Variants in ENPEP observed in about 807,000 individuals in gnomAD.
ENPEP encodes glutamyl aminopeptidase, also known as AP-A.
In ENPEP, 103 loss-of-function variants were observed where a neutral mutation model predicts 114.5. The observed-to-expected ratio is 0.90, with a 90% confidence interval of 0.77 to 1.06. The LOEUF is 1.06. Among genes scored for constraint, ENPEP ranks in the 50% least tolerant of loss-of-function variants. The pLI is 0.00. For synonymous variants in ENPEP, 420 were observed against 422.0 expected (o/e 1.00, Z 0.06); for missense variants, 1,196 against 1,161.3 (o/e 1.03, Z -0.43).
chr4:110,490,890 T>G (rs979724355), intron 2 of ENPEP, 143 bp from the exon 3 acceptor site: 2 of 852,814 alleles, frequency 2.3e-6, no homozygotes, highest in African/African-American at 3.5e-5. Flanking sequence ...CTTTTCAACA[T>G]CACCACAAAC....
Position 110,559,649 on chromosome 4 carries a change from A to T in ENPEP, c.2645A>T (p.Tyr882Phe). ...TTTTACTCTAAATTTCTCTCCAGATATACACTCAATAACAGAAACCTTGGC... is the reference window on the plus strand; with the variant it reads ...TTTTACTCTAAATTTCTCTCCAGATTTACACTCAATAACAGAAACCTTGGC... ...QLNWDYLVNR[Y>F]TLNNRNLGRI... Residue 882 changes from tyrosine to phenylalanine, a missense_variant and splice_region_variant, in exon 19 of 20, where the codon TAT becomes TTT. Tyr to Phe is a conservative substitution (Grantham distance 22, BLOSUM62 3). Transcript: ENST00000265162. 6.2e-7 allele frequency: 1 copy of T among 1,610,684 alleles called. No homozygotes were observed. The highest frequency in any genetic ancestry group is 8.5e-7 in the Non-Finnish European group (1 of 1,176,960).
intron 1 of ENPEP, among the ~76,000 whole-genome samples, chr4:110,478,951 A>G (rs986599644): frequency 6.6e-6 from 1 of 152,350 alleles, no homozygotes; most frequent in African/African-American, 2.4e-5. Flanking sequence ...TTGCTGGGTC[A>G]AAGTGTACAA....
Position 110,476,873 on chromosome 4 carries a change from C to T in ENPEP, c.459C>T (p.Asp153=). 1 of 1,614,086 alleles carries T rather than the reference C, an allele frequency of 6.2e-7. No homozygotes were observed. Among genetic ancestry groups the T allele is most frequent in the Non-Finnish European group, 8.5e-7 (1 of 1,180,014 alleles). ...CGGAGCTGAAGAGGCCCTCTGGGGA[C>T]CAGGTGCAAGTCCGGAGGTGTTTCG... ...RLPELKRPSG[D]QVQVRRCFEY... is the part of the protein sequence containing the mutation. The change falls in exon 1 of 20, where the codon GAC becomes GAT. Residue 153 remains aspartate (D), a synonymous_variant. Transcript: ENST00000265162.
At chr4:110,523,480 A>G (rs1726082039) in intron 10 of ENPEP, among the ~76,000 whole-genome samples, 1 of 152,200 alleles carries the variant, frequency 6.6e-6, no homozygotes, top group African/African-American at 2.4e-5. Flanking sequence ...AGTATAAGAA[A>G]AGGCTCTGAT....
At position 110,549,479 on chromosome 4, in the gene ENPEP, T is replaced by C. The variant is rs576809738; in HGVS notation, c.2226-49T>C. 3 of 1,612,546 alleles carry C rather than the reference T, an allele frequency of 1.9e-6. No individual in the cohort carries two copies. The African/African-American group carries it at 4.0e-5, about 22-fold the overall frequency. On this transcript the variant is annotated intron_variant, in intron 15 of 19. Transcript: ENST00000265162. ...AACATTTGTTTTTTGTTTTAAGACT[T>C]GTTGAAAAGTGCTTAAGGCCCTGGA...
chr4:110,494,523 A>G (rs1157239423), intron 3 of ENPEP, among the ~76,000 whole-genome samples: 1 of 152,208 alleles, frequency 6.6e-6, no homozygotes, highest in African/African-American at 2.4e-5. Context: ...AGAATCTATA[A>G]TGCCCTGATT....
intron 13 of ENPEP, 41 bp downstream of exon 13, chr4:110,543,111 G>T: frequency 6.5e-7 from 1 of 1,547,992 alleles, no homozygotes; most frequent in Non-Finnish European, 8.9e-7. Flanking sequence ...AAATACTGTG[G>T]GTTTTCTCAT....
intron 18 of ENPEP, 181 bp downstream of exon 18, chr4:110,553,636 A>G: frequency 4.1e-6 from 2 of 482,078 alleles, no homozygotes; most frequent in East Asian, 3.5e-5. Context: ...TTTAAGAACA[A>G]TTTTTTTCTG....
At chr4:110,542,422 C>T (rs1490652848) in intron 11 of ENPEP, among the ~76,000 whole-genome samples, 1 of 151,982 alleles carries the variant, frequency 6.6e-6, no homozygotes, top group Non-Finnish European at 1.5e-5. Context: ...TTCTCTGTCT[C>T]GAGGCACTGT....
In ENPEP at chr4:110,476,737, C is replaced by A; in HGVS notation, c.323C>A (p.Pro108His). 6.2e-7 allele frequency: 1 copy of A among 1,614,098 alleles called. No homozygotes were observed. Among genetic ancestry groups the A allele is most frequent in the East Asian group, 2.2e-5 (1 of 44,864 alleles). The change falls in exon 1 of 20, where the codon CCC becomes CAC. Residue 108 changes from proline (P) to histidine (H), a missense_variant. Pro to His is a moderately conservative substitution (Grantham distance 77). Coordinates refer to ENST00000265162, the MANE Select transcript of ENPEP (RefSeq NM_001977.4). ...NPVHYDLHVK[P>H]LLEEDTYTGT... ...GTCCACTACGACCTGCACGTGAAGC[C>A]CCTGTTGGAGGAGGACACCTACACG...
At chr4:110,488,407 T>C (rs1724580892) in intron 1 of ENPEP, 134 bp from the exon 2 acceptor site, 1 of 1,211,528 alleles carries the variant, frequency 8.3e-7, no homozygotes, top group Non-Finnish European at 1.1e-6. Context: ...GATAGTCTTC[T>C]AGATGGAACC....
intron 3 of ENPEP, among the ~76,000 whole-genome samples, chr4:110,501,197 A>G (rs1374610910): frequency 6.6e-6 from 1 of 152,132 alleles, no homozygotes; most frequent in Non-Finnish European, 1.5e-5. Flanking sequence ...ATATTCTCTG[A>G]TTGTTTGGCT....
intron 17 of ENPEP, among the ~76,000 whole-genome samples, chr4:110,552,091 C>G (rs940227635): frequency 1.3e-5 from 2 of 152,158 alleles, no homozygotes; most frequent in African/African-American, 2.4e-5. Context: ...GTCCCTGCCT[C>G]TTATTGCTAG....
chr4:110,543,206 T>G, intron 13 of ENPEP, 136 bp downstream of exon 13: 1 of 848,726 alleles, frequency 1.2e-6, no homozygotes, highest in Non-Finnish European at 1.9e-6. Context: ...AACATTATTG[T>G]TTTCCTTAAC....
intron 18 of ENPEP, among the ~76,000 whole-genome samples, chr4:110,557,370 ATGGATC>A (rs1180091180): frequency 6.6e-6 from 1 of 152,222 alleles, no homozygotes; most frequent in Non-Finnish European, 1.5e-5. Flanking sequence ...ATTCATCTGT[ATGGATC>A]TGGAAATTAC....
chr4:110,506,504 C>A, intron 3 of ENPEP, 133 bp from the exon 4 acceptor site: 1 of 864,840 alleles, frequency 1.2e-6, no homozygotes, highest in Non-Finnish European at 1.7e-6. Flanking sequence ...TAGTATGAGG[C>A]AGAATTGGAA....
chr4:110,505,711 A>C (rs940790431), intron 3 of ENPEP, among the ~76,000 whole-genome samples: 1 of 152,184 alleles, frequency 6.6e-6, no homozygotes, highest in African/African-American at 2.4e-5. Context: ...GAGGGTTTTG[A>C]ATCAGGTTGT....
At chr4:110,487,576 T>A (rs1251167671) in intron 1 of ENPEP, among the ~76,000 whole-genome samples, 1 of 152,202 alleles carries the variant, frequency 6.6e-6, no homozygotes, top group African/African-American at 2.4e-5. Context: ...CTTGGATGAA[T>A]GGATGATATA....
At chr4:110,484,694 T>C (rs1430019967) in intron 1 of ENPEP, among the ~76,000 whole-genome samples, 3 of 149,590 alleles carry the variant, frequency 2.0e-5, no homozygotes, top group Non-Finnish European at 4.4e-5. Flanking sequence ...AGAAAAGGAT[T>C]GAAAATTATT....
Sources: gnomAD v4.1 joint callset for allele counts (sites outside exome capture counted in the v4.1 genomes callset) on GRCh38, gnomAD v4.1.1 for gene constraint, MANE v1.5 for transcripts, NCBI Gene and HGNC (gene_info 2026-07-23, HGNC 2026-07-21) for gene names.